Variants in DMD observed in about 807,000 individuals in gnomAD.
DMD encodes mutant dystrophin.
Under a neutral mutation model 330.1 loss-of-function variants are expected in DMD, and 63 were observed. The ratio of observed to expected loss-of-function variants is 0.19; its 90% CI spans 0.16 to 0.24. The LOEUF (loss-of-function observed/expected upper bound fraction) is 0.24, where lower values mean the gene tolerates loss of function less well. Among genes scored for constraint, DMD ranks in the 10% least tolerant of loss-of-function variants. The pLI is 1.00. For missense variants in DMD, 3,344 were observed against 2,684.1 expected, an observed-to-expected ratio of 1.25 and a Z score of -5.43; for synonymous variants, 1,223 against 959.8, an observed-to-expected ratio of 1.27 and a Z score of -5.07.
At chrX:32,959,983 A>T (rs922281426) in intron 2 of DMD, among the ~76,000 whole-genome samples, 1 of 111,825 alleles carries the variant, frequency 8.9e-6, no homozygotes, top group Non-Finnish European at 1.9e-5. Flanking sequence ...CTTAGAATTC[A>T]ATGTCTAGAA....
In DMD at chrX:32,519,168, C is replaced by T. The variant is rs1395535917; in HGVS notation, c.2169-1037G>A. Among the ~76,000 whole-genome samples, 3 of 102,504 alleles carry T rather than the reference C, an allele frequency of 2.9e-5. No individual in the cohort carries two copies. The East Asian group carries it at 9.1e-4, about 31-fold the overall frequency. The allele number at this position is 102,504 out of a possible 115,157, so 89.0% of individuals were successfully genotyped here. Reference sequence around the variant, plus strand: ...AAGACTATGAATAGCCTTTCATTTGCAACAACATGTATGAACCCGGAGGAA... The same window carrying T: ...AAGACTATGAATAGCCTTTCATTTGTAACAACATGTATGAACCCGGAGGAA... On this transcript the variant is annotated intron_variant, in intron 17 of 78. Transcript: ENST00000357033.
Position 31,184,135 on chromosome X carries a change from C to G in DMD, c.9808-1231G>C, listed in dbSNP as rs181565174. ...TGTTGACTAGGCAGGTCTCGAACTC[C>G]TGACTTAAAATGATCCACCCGCCTC... On this transcript the variant is annotated intron_variant, in intron 67 of 78. Transcript: ENST00000357033. Among the ~76,000 whole-genome samples the G allele has an allele frequency of 3.7e-3, 409 of 111,734 alleles. 1 individual carries two copies. Among genetic ancestry groups the G allele is most frequent in the African/African-American group, 0.012 (380 of 30,720 alleles).
At chrX:33,009,929 C>CAT (rs369073771) in intron 2 of DMD, among the ~76,000 whole-genome samples, 19,259 of 51,368 alleles carry the variant, frequency 0.37, 5,188 homozygotes, top group East Asian at 0.53. Context: ...TGTGTATACA[C>CAT]ATGTGTGTAT....
At chrX:33,021,155 C>T (rs976736298) in intron 1 of DMD, among the ~76,000 whole-genome samples, 1 of 111,195 alleles carries the variant, frequency 9.0e-6, no homozygotes, top group African/African-American at 3.3e-5. Context: ...GCAAATGATA[C>T]TCTTCATGCC....
intron 26 of DMD, among the ~76,000 whole-genome samples, chrX:32,450,353 C>CTA (rs1410075945): frequency 9.0e-6 from 1 of 111,224 alleles, no homozygotes; most frequent in East Asian, 2.8e-4. Context: ...ATTGTTTTGT[C>CTA]TATAGAATGC....
intron 2 of DMD, among the ~76,000 whole-genome samples, chrX:33,014,592 A>T (rs2093764078): frequency 9.0e-6 from 1 of 111,694 alleles, no homozygotes; most frequent in African/African-American, 3.3e-5. Context: ...AAACTAGGTT[A>T]TAGAATCAAA....
intron 48 of DMD, among the ~76,000 whole-genome samples, chrX:31,841,370 T>C (rs2093316059): frequency 9.0e-6 from 1 of 111,526 alleles, no homozygotes; most frequent in African/African-American, 3.3e-5. Context: ...AACATAAAAG[T>C]GAAAGGTGGA....
intron 1 of DMD, among the ~76,000 whole-genome samples, chrX:33,026,697 G>A: frequency 8.9e-6 from 1 of 111,736 alleles, no homozygotes; most frequent in South Asian, 3.8e-4. Flanking sequence ...AGCTTACAAT[G>A]AGGAGGTCTA....
chrX:33,311,223 T>C (rs1603429944), intron 1 of DMD, among the ~76,000 whole-genome samples: 1 of 109,815 alleles, frequency 9.1e-6, no homozygotes, highest in Non-Finnish European at 1.9e-5. Flanking sequence ...AATATATATA[T>C]ACATATGCTT....
At chrX:31,472,782 C>T (rs894124434) in intron 59 of DMD, among the ~76,000 whole-genome samples, 1 of 111,732 alleles carries the variant, frequency 8.9e-6, no homozygotes, top group Non-Finnish European at 1.9e-5. Context: ...AATTTGAATG[C>T]CAAAAAAGGT....
chrX:32,407,020 C>T (rs1384807484), intron 30 of DMD, among the ~76,000 whole-genome samples: 7 of 111,518 alleles, frequency 6.3e-5, no homozygotes, highest in African/African-American at 2.0e-4. Context: ...ACCATAAAAA[C>T]CCTAGAAGAA....
intron 60 of DMD, among the ~76,000 whole-genome samples, chrX:31,350,434 G>T (rs1212029515): frequency 8.9e-6 from 1 of 112,098 alleles, no homozygotes; most frequent in African/African-American, 3.2e-5. Context: ...TCTTGCAATA[G>T]ATTGGAAACT....
chrX:31,657,736 A>G lies in DMD; in HGVS notation c.8027+254T>C, dbSNP rs146456474. Among the ~76,000 whole-genome samples, 880 of 112,078 alleles carry G rather than the reference A, an allele frequency of 7.9e-3. 13 individuals carry two copies. Among genetic ancestry groups the G allele is most frequent in the African/African-American group, 0.027 (823 of 30,855 alleles). On this transcript the variant is annotated intron_variant, in intron 54 of 78. Coordinates refer to ENST00000357033, the MANE Select transcript of DMD (RefSeq NM_004006.3). ...TGATAAATGGCTCTTCTAGCTATAA[A>G]TCAGTATTTTGCTTTTTGTTTAATC...
intron 49 of DMD, among the ~76,000 whole-genome samples, chrX:31,823,691 C>G (rs190803785): frequency 3.6e-5 from 4 of 110,411 alleles, no homozygotes; most frequent in African/African-American, 1.3e-4. Flanking sequence ...CCTCCCACCT[C>G]AGCCTCCTGA....
intron 19 of DMD, among the ~76,000 whole-genome samples, chrX:32,491,766 A>C (rs1406654618): frequency 3.6e-5 from 4 of 111,994 alleles, no homozygotes; most frequent in African/African-American, 1.3e-4. Flanking sequence ...GAAAATTAGA[A>C]TATATGTAAA....
At chrX:31,477,250 G>C (rs2067853163) in intron 59 of DMD, among the ~76,000 whole-genome samples, 1 of 111,222 alleles carries the variant, frequency 9.0e-6, no homozygotes, top group African/African-American at 3.3e-5. Flanking sequence ...CAGTATTTGA[G>C]GGGTGGCTAG....
chrX:32,033,603 CAGAAAGAAAGAA>C (rs753337646), intron 44 of DMD, among the ~76,000 whole-genome samples: 10 of 59,924 alleles, frequency 1.7e-4, no homozygotes, highest in South Asian at 9.8e-4. Context: ...GACAGACAGA[CAGAAAGAAAGAA>C]AGAAAGAAAG....
intron 7 of DMD, among the ~76,000 whole-genome samples, chrX:32,728,070 G>A (rs1016570030): frequency 9.0e-6 from 1 of 111,380 alleles, no homozygotes. Context: ...GTTAGGCAGG[G>A]ATTGTTACTG....
At chrX:32,512,680 G>A (rs923816470) in intron 18 of DMD, among the ~76,000 whole-genome samples, 5 of 112,235 alleles carry the variant, frequency 4.5e-5, no homozygotes, top group Non-Finnish European at 7.5e-5. Flanking sequence ...ATGAAGACAT[G>A]GACTTTGTCA....
Sources: allele counts gnomAD v4.1 joint callset (sites outside exome capture counted in the v4.1 genomes callset), GRCh38; gene constraint gnomAD v4.1.1; transcripts MANE v1.5; gene names NCBI Gene and HGNC (gene_info 2026-07-23, HGNC 2026-07-21).